ZMAT1: variants seen among roughly 807,000 people sequenced by gnomAD.
ZMAT1 encodes the protein zinc finger matrin-type protein 1.
ZMAT1 carries 11 observed loss-of-function variants against 18.5 expected under a neutral mutation model. That is an observed-to-expected ratio of 0.59 (90% CI 0.37 to 0.98). The LOEUF is 0.98. ZMAT1 is among the 50% of genes least tolerant of loss of function. The probability of loss-of-function intolerance (pLI) is 0.01; values close to 1 mark genes in which losing one functional copy is unlikely to be tolerated. For synonymous variants in ZMAT1, 211 were observed against 176.4 expected (o/e 1.20, Z -1.55); for missense variants, 525 against 496.2 (o/e 1.06, Z -0.55).
At chrX:101,912,863 TAG>T (rs1929057289) in intron 1 of ZMAT1, among the ~76,000 whole-genome samples, 1 of 112,184 alleles carries the variant, frequency 8.9e-6, no homozygotes, top group Non-Finnish European at 1.9e-5. Context: ...GCTGCTTCCA[TAG>T]AGTCTCACTG....
At chrX:101,916,655 T>C (rs1929355616) in intron 1 of ZMAT1, among the ~76,000 whole-genome samples, 1 of 111,435 alleles carries the variant, frequency 9.0e-6, no homozygotes, top group Non-Finnish European at 1.9e-5. Flanking sequence ...AAAACACCAA[T>C]GACATTCTTC....
intron 1 of ZMAT1, among the ~76,000 whole-genome samples, chrX:101,929,441 A>C (rs1422728735): frequency 3.5e-5 from 3 of 85,100 alleles, no homozygotes; most frequent in Non-Finnish European, 6.6e-5. Flanking sequence ...ATATATATAT[A>C]TATATATATA....
chrX:101,919,702 G>GA (rs1379413266), intron 1 of ZMAT1, among the ~76,000 whole-genome samples: 2 of 111,675 alleles, frequency 1.8e-5, no homozygotes, highest in Non-Finnish European at 3.8e-5. Context: ...GATTTTGAAC[G>GA]AAACTTTAAA....
chrX:101,928,121 C>A (rs1930167340), intron 1 of ZMAT1, among the ~76,000 whole-genome samples: 1 of 112,071 alleles, frequency 8.9e-6, no homozygotes. Context: ...TTATAATAAA[C>A]AATGGAATGG....
Position 101,894,437 on chromosome X carries a change from TG to T in ZMAT1, c.676+3430del, listed in dbSNP as rs774658462. 115 of 751,909 alleles carry T rather than the reference TG, an allele frequency of 1.5e-4. No homozygotes were observed. The African/African-American group carries it at 2.4e-3, about 16-fold the overall frequency. 62.0% of individuals were successfully genotyped at this position (751,909 alleles called of 1,213,427 possible). On this transcript the variant is annotated intron_variant, in intron 4 of 5. Transcript: ENST00000651725. The stretch of plus-strand genomic sequence containing the variant: ...TATATGAAGTTAAGAAGGTGGTGTT[TG>T]GGGGTTCATAGTTACCTGTGGGTTT...
chrX:101,899,027 G>C (rs962640451), intron 2 of ZMAT1, among the ~76,000 whole-genome samples: 3 of 110,482 alleles, frequency 2.7e-5, no homozygotes, highest in South Asian at 7.7e-4. Flanking sequence ...CAGCCTAGGC[G>C]ACAGAGACTC....
intron 4 of ZMAT1, chrX:101,895,791 C>A: frequency 1.4e-6 from 1 of 738,592 alleles, no homozygotes; most frequent in Non-Finnish European, 1.6e-6. Flanking sequence ...GAGAGGAAGG[C>A]ATAGTCTTGT....
intron 1 of ZMAT1, among the ~76,000 whole-genome samples, chrX:101,922,905 T>TA (rs931820993): frequency 1.8e-5 from 2 of 111,728 alleles, no homozygotes; most frequent in Non-Finnish European, 3.8e-5. Flanking sequence ...GGTGACAGCT[T>TA]AGAGGAAAGG....
intron 1 of ZMAT1, among the ~76,000 whole-genome samples, chrX:101,924,789 C>G (rs1434567560): frequency 8.9e-6 from 1 of 111,853 alleles, no homozygotes; most frequent in Non-Finnish European, 1.9e-5. Context: ...ACAAATTAAG[C>G]ATGACTTTTA....
At chrX:101,909,008 T>C (rs1416935114) in intron 1 of ZMAT1, among the ~76,000 whole-genome samples, 3 of 108,368 alleles carry the variant, frequency 2.8e-5, no homozygotes, top group Admixed American at 9.9e-5. Flanking sequence ...AAAAGAGACC[T>C]CTTCCTTCTG....
At position 101,890,577 on chromosome X, in the gene ZMAT1, G is replaced by C. The variant is rs1206464152; in HGVS notation, c.677-3846C>G. Among the ~76,000 whole-genome samples the C allele has an allele frequency of 3.4e-4, 38 of 111,480 alleles. No individual in the cohort carries two copies. The Admixed American group carries it at 3.6e-3, about 11-fold the overall frequency. On this transcript the variant is annotated intron_variant, in intron 4 of 5. Coordinates refer to ENST00000651725, the MANE Select transcript of ZMAT1 (RefSeq NM_001394560.1). ...ACCAAGCATCAGGTTAGATGCCAGG[G>C]ATACAAGATGAATGAAACAGCCAAG...
At chrX:101,922,140 G>A (rs1929772121) in intron 1 of ZMAT1, among the ~76,000 whole-genome samples, 1 of 110,904 alleles carries the variant, frequency 9.0e-6, no homozygotes, top group Non-Finnish European at 1.9e-5. Flanking sequence ...ATGGAAGAGG[G>A]GTTTCCACTG....
Position 101,884,356 on chromosome X carries a change from T to C in ZMAT1, c.1242A>G (p.Ser414=). The C allele has an allele frequency of 1.7e-6, 2 of 1,211,163 alleles. No individual in the cohort carries two copies. Among genetic ancestry groups the C allele is most frequent in the Non-Finnish European group, 2.2e-6 (2 of 895,188 alleles). ...PRSRMCEQRF[S]HEASQTYQRP... The stretch of plus-strand genomic sequence containing the variant: ...GTTGGTAGGTCTGGGAAGCCTCATG[T>C]GAAAATCTTTGCTCACACATTCTTG... Residue 414 remains serine (S), a synonymous_variant, in exon 6 of 6, where the codon TCA becomes TCG. Coordinates refer to ENST00000651725, the MANE Select transcript of ZMAT1 (RefSeq NM_001394560.1).
intron 1 of ZMAT1, among the ~76,000 whole-genome samples, chrX:101,909,724 T>A (rs986526692): frequency 1.8e-5 from 2 of 112,678 alleles, no homozygotes; most frequent in Non-Finnish European, 3.8e-5. Context: ...AGACTGAGTC[T>A]TGTGGTTTGA....
chrX:101,886,875 T>A (rs951465742), intron 4 of ZMAT1, 144 bp from the exon 5 acceptor site: 1 of 447,644 alleles, frequency 2.2e-6, no homozygotes, highest in Non-Finnish European at 3.8e-6. Context: ...GTCAAATGAC[T>A]TGGTCAAAGT....
intron 1 of ZMAT1, among the ~76,000 whole-genome samples, chrX:101,915,088 T>A (rs1407418750): frequency 1.8e-5 from 2 of 111,185 alleles, no homozygotes; most frequent in Non-Finnish European, 3.8e-5. Context: ...AAAAACCATA[T>A]GATCATTTCA....
intron 1 of ZMAT1, among the ~76,000 whole-genome samples, chrX:101,922,086 T>C (rs376068257): frequency 4.5e-5 from 5 of 111,544 alleles, no homozygotes; most frequent in African/African-American, 1.3e-4. Flanking sequence ...TTCCAGGCTT[T>C]CAAGATCTTT....
intron 1 of ZMAT1, among the ~76,000 whole-genome samples, chrX:101,920,309 T>A (rs1929639345): frequency 9.0e-6 from 1 of 111,712 alleles, no homozygotes; most frequent in South Asian, 3.7e-4. Context: ...CCTCCCAATG[T>A]ACTGGGACTA....
intron 1 of ZMAT1, among the ~76,000 whole-genome samples, chrX:101,921,025 G>T (rs868598576): frequency 1.0e-5 from 1 of 98,754 alleles, no homozygotes; most frequent in Non-Finnish European, 2.1e-5. Flanking sequence ...AGAGATTTTT[G>T]AAAAAAAAAA....
Sources: gnomAD v4.1 joint callset for allele counts (sites outside exome capture counted in the v4.1 genomes callset) on GRCh38, gnomAD v4.1.1 for gene constraint, MANE v1.5 for transcripts, NCBI Gene and HGNC (gene_info 2026-07-23, HGNC 2026-07-21) for gene names.